CAMK1D: variants seen among roughly 807,000 people sequenced by gnomAD.
The protein encoded by CAMK1D is calcium/calmodulin dependent protein kinase ID.
CAMK1D carries 9 observed loss-of-function variants against 47.7 expected under a neutral mutation model. The observed-to-expected ratio is 0.19, with a 90% CI of 0.11 to 0.33. The LOEUF (loss-of-function observed/expected upper bound fraction) is 0.33, where lower values mean the gene tolerates loss of function less well. Among genes scored for constraint, CAMK1D ranks in the 10% least tolerant of loss-of-function variants. CAMK1D has a pLI of 1.00. For synonymous variants in CAMK1D, 184 were observed against 184.9 expected (o/e 0.99, Z 0.04); for missense variants, 291 against 488.7 (o/e 0.60, Z 3.81).
intron 3 of CAMK1D, among the ~76,000 whole-genome samples, chr10:12,735,837 T>C (rs1835163761): frequency 1.3e-5 from 2 of 151,636 alleles, no homozygotes; most frequent in Non-Finnish European, 2.9e-5. Flanking sequence ...CTCCTTGCGC[T>C]CCAGATACTC....
chr10:12,623,435 C>CCTTCCTCCCTT (rs1305181877), intron 2 of CAMK1D, among the ~76,000 whole-genome samples: 2,094 of 5,302 alleles, frequency 0.39, 904 homozygotes, highest in Non-Finnish European at 0.63. Context: ...CTCCCTCCCT[C>CCTTCCTCCCTT]CCTTCTTTCC....
chr10:12,619,771 A>G (rs1298424875), intron 2 of CAMK1D, among the ~76,000 whole-genome samples: 3 of 152,102 alleles, frequency 2.0e-5, no homozygotes, highest in African/African-American at 4.8e-5. Context: ...GGATATTGAC[A>G]TTGATACAAG....
At chr10:12,383,086 C>G (rs1483269669) in intron 1 of CAMK1D, among the ~76,000 whole-genome samples, 3 of 152,128 alleles carry the variant, frequency 2.0e-5, no homozygotes, top group African/African-American at 7.2e-5. Context: ...TTCTAGCTAA[C>G]CAAGCTGTTG....
At chr10:12,412,484 G>A (rs1425753630) in intron 1 of CAMK1D, among the ~76,000 whole-genome samples, 16 of 146,964 alleles carry the variant, frequency 1.1e-4, no homozygotes, top group Admixed American at 3.4e-4. Context: ...TTAGCCAGGC[G>A]TGGCGGCACA....
intron 3 of CAMK1D, among the ~76,000 whole-genome samples, chr10:12,737,862 G>A (rs913386482): frequency 8.5e-5 from 13 of 152,146 alleles, no homozygotes; most frequent in Non-Finnish European, 1.6e-4. Context: ...TCATATTCCA[G>A]TTGTATAATA....
At chr10:12,768,886 T>G (rs887632550) in intron 4 of CAMK1D, among the ~76,000 whole-genome samples, 1 of 152,148 alleles carries the variant, frequency 6.6e-6, no homozygotes, top group African/African-American at 2.4e-5. Context: ...CTGGTTCCCA[T>G]GCCAACCCCA....
intron 1 of CAMK1D, among the ~76,000 whole-genome samples, chr10:12,479,081 A>G (rs1297714651): frequency 6.6e-6 from 1 of 151,978 alleles, no homozygotes; most frequent in Non-Finnish European, 1.5e-5. Context: ...TGACTCTCAA[A>G]CTTGAAGATG....
intron 2 of CAMK1D, among the ~76,000 whole-genome samples, chr10:12,629,091 G>T (rs1391045614): frequency 4.6e-5 from 7 of 152,192 alleles, no homozygotes; most frequent in Non-Finnish European, 8.8e-5. Context: ...TGTTTGGTGG[G>T]GACAGAGGCC....
At chr10:12,415,644 G>A (rs1839820735) in intron 1 of CAMK1D, among the ~76,000 whole-genome samples, 2 of 151,026 alleles carry the variant, frequency 1.3e-5, no homozygotes, top group Non-Finnish European at 2.9e-5. Context: ...CATGTTACAT[G>A]TTCATGACTA....
intron 1 of CAMK1D, among the ~76,000 whole-genome samples, chr10:12,547,394 T>C (rs1836415608): frequency 6.6e-6 from 1 of 152,176 alleles, no homozygotes; most frequent in Non-Finnish European, 1.5e-5. Context: ...CAGACGACAG[T>C]TTCAGGTTGC....
intron 1 of CAMK1D, among the ~76,000 whole-genome samples, chr10:12,472,034 C>CA (rs60064606): frequency 0.1 from 9,705 of 94,420 alleles, 341 homozygotes; most frequent in Middle Eastern, 0.12. Context: ...GACTCTGTCT[C>CA]AAAAAAAAAA....
chr10:12,527,785 A>G (rs1454334750), intron 1 of CAMK1D, among the ~76,000 whole-genome samples: 1 of 152,200 alleles, frequency 6.6e-6, no homozygotes, highest in African/African-American at 2.4e-5. Flanking sequence ...TCTCTCTGAT[A>G]CTGTTTTCTT....
At chr10:12,475,598 A>G (rs186480065) in intron 1 of CAMK1D, among the ~76,000 whole-genome samples, 118 of 152,178 alleles carry the variant, frequency 7.8e-4, no homozygotes, top group Non-Finnish European at 1.2e-3. Flanking sequence ...TGAGTGTACA[A>G]ATATCTGTTT....
chr10:12,825,869 G>C, intron 10 of CAMK1D, 179 bp downstream of exon 10: 2 of 971,332 alleles, frequency 2.1e-6, no homozygotes, highest in South Asian at 3.4e-5. Flanking sequence ...GGGTGCAGTG[G>C]CTCACGCCTG....
chr10:12,795,862 C>G (rs1588938715), intron 6 of CAMK1D, among the ~76,000 whole-genome samples: 1 of 152,158 alleles, frequency 6.6e-6, no homozygotes, highest in South Asian at 2.1e-4. Flanking sequence ...TTAGGACTTG[C>G]AAAAAACATC....
intron 1 of CAMK1D, among the ~76,000 whole-genome samples, chr10:12,389,573 TC>T (rs1420383592): frequency 6.6e-6 from 1 of 151,986 alleles, no homozygotes; most frequent in East Asian, 1.9e-4. Context: ...CTTGCTTCCT[TC>T]CCTACTCACA....
chr10:12,531,792 T>C (rs143720516), intron 1 of CAMK1D, among the ~76,000 whole-genome samples: 212 of 152,358 alleles, frequency 1.4e-3, no homozygotes, highest in African/African-American at 4.8e-3. Context: ...CATCATGTTC[T>C]CTCTGGGTTG....
intron 1 of CAMK1D, among the ~76,000 whole-genome samples, chr10:12,533,485 C>T (rs938491520): frequency 2.0e-5 from 3 of 152,154 alleles, no homozygotes; most frequent in African/African-American, 2.4e-5. Flanking sequence ...CATAAACTTC[C>T]GATCTGTTTG....
chr10:12,586,177 T>G (rs1250659790), intron 2 of CAMK1D, among the ~76,000 whole-genome samples: 1 of 152,184 alleles, frequency 6.6e-6, no homozygotes, highest in East Asian at 1.9e-4. Context: ...CTTCCAAACA[T>G]TTTTGGAAAA....
Sources: gnomAD v4.1 joint callset for allele counts (sites outside exome capture counted in the v4.1 genomes callset) on GRCh38, gnomAD v4.1.1 for gene constraint, MANE v1.5 for transcripts, NCBI Gene and HGNC (gene_info 2026-07-23, HGNC 2026-07-21) for gene names.